HERC2: variants seen among roughly 807,000 people sequenced by gnomAD.
The protein encoded by HERC2 is HECT and RLD domain containing E3 ubiquitin protein ligase 2.
HERC2 carries 102 observed loss-of-function variants against 537.7 expected under a neutral mutation model. The ratio of observed to expected loss-of-function variants is 0.19; its 90% CI spans 0.16 to 0.22. The LOEUF is 0.22. Among genes scored for constraint, HERC2 ranks in the 10% least tolerant of loss-of-function variants. The pLI is 1.00. For synonymous variants in HERC2, 2,224 were observed against 2,466.2 expected (o/e 0.90, Z 2.91); for missense variants, 4,236 against 6,198.2 (o/e 0.68, Z 10.63).
Position 28,263,318 on chromosome 15 carries a change from G to A in HERC2, c.1871-149C>T, listed in dbSNP as rs546404062. 5.2e-5 allele frequency: 39 copies of A among 748,660 alleles called. No homozygotes were observed. The Middle Eastern group carries it at 7.7e-4, about 15-fold the overall frequency. 46.4% of individuals were successfully genotyped at this position (748,660 alleles called of 1,614,324 possible). A position where few individuals can be genotyped will look rare whatever the true frequency, so the allele number is the denominator to read the frequency against. ...CTACAAGGGTGGCTACTGAGCAAACGAAATCTAGGTGACACTTGAGGTTGA... is the reference window on the plus strand; with the variant it reads ...CTACAAGGGTGGCTACTGAGCAAACAAAATCTAGGTGACACTTGAGGTTGA... On this transcript the variant is annotated intron_variant, in intron 14 of 92. Coordinates refer to ENST00000261609, the MANE Select transcript of HERC2 (RefSeq NM_004667.6).
chr15:28,257,298 A>G (rs2075292261), intron 16 of HERC2, 37 bp from the exon 17 acceptor site: 1 of 1,576,404 alleles, frequency 6.3e-7, no homozygotes, highest in Non-Finnish European at 8.7e-7. Context: ...TGAATCTCCA[A>G]ATGCAGCTGC....
rs748515314 is a variant in HERC2 at position 28,175,602 on chromosome 15, T to C, written c.9741A>G (p.Lys3247=). The part of the protein sequence containing the change: ...LGHGSDVHVR[K]PQVVEGLRGK... ...CTCTCAGCCCTTCCACCACCTGTGG[T>C]TTCCGCACGTGCACGTCAGAGCCGT... Residue 3247 remains lysine (K), a synonymous_variant, in exon 64 of 93, where the codon AAA becomes AAG. Transcript: ENST00000261609. The C allele has an allele frequency of 5.0e-6, 8 of 1,614,022 alleles. No homozygotes were observed. The highest frequency in any genetic ancestry group is 1.6e-4 in the Middle Eastern group (1 of 6,084).
At chr15:28,270,656 C>A (rs768718094) in intron 10 of HERC2, 39 bp downstream of exon 10, 2 of 1,596,234 alleles carry the variant, frequency 1.3e-6, no homozygotes, top group Non-Finnish European at 1.7e-6. Flanking sequence ...GTGGTACTAG[C>A]TACAAAACAC....
intron 2 of HERC2, among the ~76,000 whole-genome samples, chr15:28,317,442 C>T (rs533047709): frequency 1.3e-5 from 2 of 152,324 alleles, no homozygotes; most frequent in East Asian, 1.9e-4. Context: ...TACATTTATG[C>T]GTAGTCATTC....
chr15:28,174,899 CCTCT>C (rs1387980711), intron 64 of HERC2, among the ~76,000 whole-genome samples: 4 of 151,890 alleles, frequency 2.6e-5, no homozygotes, highest in Non-Finnish European at 1.5e-5. Flanking sequence ...CACAGAAGGT[CCTCT>C]CTCTAACTAA....
At chr15:28,170,929 C>A (rs1423495490) in intron 65 of HERC2, among the ~76,000 whole-genome samples, 1 of 152,006 alleles carries the variant, frequency 6.6e-6, no homozygotes, top group Non-Finnish European at 1.5e-5. Context: ...ATATTAAAAC[C>A]ACAATGAGAT....
chr15:28,170,070 G>C (rs1894538498), intron 65 of HERC2, among the ~76,000 whole-genome samples: 1 of 152,182 alleles, frequency 6.6e-6, no homozygotes, highest in Non-Finnish European at 1.5e-5. Flanking sequence ...TGAACTCCCA[G>C]GTCTCAGCAG....
intron 25 of HERC2, among the ~76,000 whole-genome samples, chr15:28,237,647 C>A (rs1176436785): frequency 1.3e-5 from 2 of 152,218 alleles, no homozygotes; most frequent in Non-Finnish European, 2.9e-5. Flanking sequence ...CTGTTTTAAG[C>A]CCTGCCCTAA....
At chr15:28,222,980 CT>C (rs947440952) in intron 35 of HERC2, among the ~76,000 whole-genome samples, 16 of 152,196 alleles carry the variant, frequency 1.1e-4, no homozygotes, top group South Asian at 6.2e-4. Flanking sequence ...TACCCATGTC[CT>C]TTTTTCATGA....
At position 28,234,141 on chromosome 15, in the gene HERC2, C is replaced by T. The variant is rs1352797486; in HGVS notation, c.4147G>A (p.Ala1383Thr). 9 of 824,052 alleles carry T rather than the reference C, an allele frequency of 1.1e-5. No individual in the cohort carries two copies. The South Asian group carries it at 1.2e-4, about 11-fold the overall frequency. The allele number at this position is 824,052 out of a possible 1,614,324, so 51.0% of individuals were successfully genotyped here. A position where few individuals can be genotyped will look rare whatever the true frequency, so the allele number is the denominator to read the frequency against. Reference sequence around the variant, plus strand: ...AATGCCTGGGAATGGTCCCCCAGGGCCCGTCTGTGGGAGCAGAGTCGAGAT... The same window carrying T: ...AATGCCTGGGAATGGTCCCCCAGGGTCCGTCTGTGGGAGCAGAGTCGAGAT... The part of the protein sequence containing the change: ...SKSRLCSHRR[A>T]LGDHSQAFLQ... Residue 1383 changes from alanine to threonine, a missense_variant, in exon 27 of 93, where the codon GCC (alanine) becomes ACC (threonine). Coordinates refer to ENST00000261609, the MANE Select transcript of HERC2 (RefSeq NM_004667.6).
At chr15:28,303,259 G>A (rs1285148406) in intron 2 of HERC2, among the ~76,000 whole-genome samples, 9 of 152,316 alleles carry the variant, frequency 5.9e-5, no homozygotes, top group African/African-American at 2.2e-4. Context: ...TATCAATGAG[G>A]CTATCCTTTC....
At chr15:28,264,955 A>T (rs2075521348) in intron 14 of HERC2, among the ~76,000 whole-genome samples, 1 of 152,184 alleles carries the variant, frequency 6.6e-6, no homozygotes, top group Admixed American at 6.5e-5. Flanking sequence ...ATGATTTTTC[A>T]TCTTTCACCT....
intron 2 of HERC2, among the ~76,000 whole-genome samples, chr15:28,300,902 AAAC>A (rs1035974203): frequency 6.8e-6 from 1 of 148,122 alleles, no homozygotes; most frequent in African/African-American, 2.5e-5. Flanking sequence ...AAATTTTGAA[AAAC>A]AACTTAAATT....
chr15:28,161,464 AG>A (rs1203513430), intron 69 of HERC2, among the ~76,000 whole-genome samples: 1 of 152,218 alleles, frequency 6.6e-6, no homozygotes, highest in Non-Finnish European at 1.5e-5. Flanking sequence ...GGCAGGGCAG[AG>A]CATGGCTGCT....
intron 2 of HERC2, among the ~76,000 whole-genome samples, chr15:28,306,598 T>G (rs7166222): frequency 6.6e-6 from 1 of 152,042 alleles, no homozygotes; most frequent in Non-Finnish European, 1.5e-5. Flanking sequence ...TAAGTTTGGA[T>G]GTATTCCCTC....
intron 24 of HERC2, 85 bp downstream of exon 24, chr15:28,238,517 A>G (rs1902697969): frequency 5.2e-6 from 6 of 1,155,158 alleles, no homozygotes; most frequent in Non-Finnish European, 7.5e-6. Context: ...GCACAAAACT[A>G]AAGAAATCAT....
At chr15:28,313,879 C>T (rs1238256935) in intron 2 of HERC2, among the ~76,000 whole-genome samples, 1 of 152,130 alleles carries the variant, frequency 6.6e-6, no homozygotes, top group East Asian at 1.9e-4. Context: ...AGGGATGAGA[C>T]TGAGAAGCAA....
intron 38 of HERC2, 147 bp downstream of exon 38, chr15:28,218,342 T>C: frequency 2.8e-6 from 2 of 703,818 alleles, no homozygotes; most frequent in Non-Finnish European, 4.8e-6. Flanking sequence ...GAATTTCTAC[T>C]GTGTAAGCCC....
intron 2 of HERC2, among the ~76,000 whole-genome samples, chr15:28,309,536 T>A (rs924164211): frequency 1.3e-5 from 2 of 152,212 alleles, no homozygotes; most frequent in African/African-American, 4.8e-5. Context: ...CGCACCGTCC[T>A]GAAGGGATGG....
Sources: gnomAD v4.1 joint callset for allele counts (sites outside exome capture counted in the v4.1 genomes callset) on GRCh38, gnomAD v4.1.1 for gene constraint, MANE v1.5 for transcripts, NCBI Gene and HGNC (gene_info 2026-07-23, HGNC 2026-07-21) for gene names.